RNF216: variants seen among roughly 807,000 people sequenced by gnomAD.
RNF216 encodes the protein ring finger protein 216.
A neutral mutation model predicts 110.8 loss-of-function variants in RNF216; 72 were observed. That is an observed-to-expected ratio of 0.65 (90% CI 0.54 to 0.79). The LOEUF (loss-of-function observed/expected upper bound fraction) is 0.79. Among genes scored for constraint, RNF216 ranks in the 30% least tolerant of loss-of-function variants. The pLI is 0.00. For missense variants in RNF216, 1,342 were observed against 1,141.2 expected (o/e 1.18, Z -2.54); for synonymous variants, 495 against 407.5 (o/e 1.21, Z -2.59).
intron 13 of RNF216, among the ~76,000 whole-genome samples, chr7:5,676,996 A>C (rs1275148262): frequency 1.3e-5 from 2 of 152,150 alleles, no homozygotes; most frequent in East Asian, 1.9e-4. Flanking sequence ...ACCAAACCAA[A>C]ACCCACCAAC....
chr7:5,731,967 C>T (rs1055779744), intron 5 of RNF216, among the ~76,000 whole-genome samples: 8 of 152,214 alleles, frequency 5.3e-5, no homozygotes, highest in Non-Finnish European at 7.3e-5. Context: ...CTCCCTCATC[C>T]TGACATCTCA....
chr7:5,665,894 G>A (rs1584408962), intron 13 of RNF216, among the ~76,000 whole-genome samples: 1 of 152,046 alleles, frequency 6.6e-6, no homozygotes, highest in South Asian at 2.1e-4. Flanking sequence ...GGCCGGGCGC[G>A]GTAGCTCACA....
At chr7:5,699,765 T>C (rs946390513) in intron 13 of RNF216, among the ~76,000 whole-genome samples, 1 of 152,240 alleles carries the variant, frequency 6.6e-6, no homozygotes, top group Non-Finnish European at 1.5e-5. Flanking sequence ...TGATTCCACT[T>C]GCAGTGATGT....
At chr7:5,655,589 G>C (rs886638229) in intron 13 of RNF216, among the ~76,000 whole-genome samples, 1 of 151,654 alleles carries the variant, frequency 6.6e-6, no homozygotes, top group Non-Finnish European at 1.5e-5. Context: ...CTGGGCAACA[G>C]AGCAAGACTC....
intron 13 of RNF216, among the ~76,000 whole-genome samples, chr7:5,667,321 CAA>C (rs370874433): frequency 6.6e-6 from 1 of 151,996 alleles, no homozygotes; most frequent in African/African-American, 2.4e-5. Context: ...AGGTCACAAA[CAA>C]AAAAGTTTAA....
At chr7:5,739,516 A>T (rs948873294) in intron 4 of RNF216, 164 bp from the exon 5 acceptor site, 1 of 719,822 alleles carries the variant, frequency 1.4e-6, no homozygotes, top group Non-Finnish European at 2.5e-6. Flanking sequence ...TCCCAGATTC[A>T]TCTGTCTACA....
Position 5,622,628 on chromosome 7 carries a change from C to G in RNF216, c.*232G>C. 1 of 522,192 alleles carries G rather than the reference C, an allele frequency of 1.9e-6. No individual in the cohort carries two copies. Among genetic ancestry groups the G allele is most frequent in the Non-Finnish European group, 3.4e-6 (1 of 294,322 alleles). 32.3% of individuals were successfully genotyped at this position (522,192 alleles called of 1,614,324 possible). A position where few individuals can be genotyped will look rare whatever the true frequency, so the allele number is the denominator to read the frequency against. On this transcript the variant is annotated 3_prime_UTR_variant, in exon 17 of 17. Coordinates refer to ENST00000389902, the MANE Select transcript of RNF216 (RefSeq NM_207111.4). ...GGCCTGGGGGATGCGAGGGGAGGGG[C>G]AGTTCACATCGCAGCTCTCTCCGAA...
chr7:5,648,747 GA>G (rs1480291789), intron 14 of RNF216, among the ~76,000 whole-genome samples: 1 of 148,462 alleles, frequency 6.7e-6, no homozygotes, highest in East Asian at 2.0e-4. Flanking sequence ...AAAAAGAAAA[GA>G]AAAAAAGAAA....
At chr7:5,678,641 A>G (rs1790456954) in intron 13 of RNF216, among the ~76,000 whole-genome samples, 1 of 152,238 alleles carries the variant, frequency 6.6e-6, no homozygotes, top group African/African-American at 2.4e-5. Flanking sequence ...CGTAGTGACA[A>G]ATATCAACTG....
At chr7:5,647,728 G>A (rs1162956877) in intron 14 of RNF216, among the ~76,000 whole-genome samples, 3 of 151,914 alleles carry the variant, frequency 2.0e-5, no homozygotes, top group Non-Finnish European at 2.9e-5. Flanking sequence ...GACTCCTTCC[G>A]CTCTTACTTC....
intron 2 of RNF216, among the ~76,000 whole-genome samples, chr7:5,759,789 G>A (rs990482923): frequency 2.0e-5 from 3 of 151,744 alleles, no homozygotes; most frequent in Admixed American, 2.0e-4. Context: ...GCACCACCAC[G>A]CCCAGCTAAT....
At chr7:5,734,039 G>C (rs554979321) in intron 5 of RNF216, among the ~76,000 whole-genome samples, 1 of 152,164 alleles carries the variant, frequency 6.6e-6, no homozygotes, top group South Asian at 2.1e-4. Context: ...CAAAAAGAAA[G>C]TATTTTAAAA....
chr7:5,625,214 T>A (rs992667606), intron 15 of RNF216, among the ~76,000 whole-genome samples: 2 of 152,122 alleles, frequency 1.3e-5, no homozygotes, highest in African/African-American at 4.8e-5. Flanking sequence ...GATAGCTGAC[T>A]ATAGGAGGGC....
At chr7:5,770,998 G>A (rs542414472) in intron 1 of RNF216, among the ~76,000 whole-genome samples, 2 of 152,246 alleles carry the variant, frequency 1.3e-5, no homozygotes, top group South Asian at 4.1e-4. Flanking sequence ...AGTAGAGACA[G>A]GGTTTCACCA....
chr7:5,672,683 A>G (rs1410793005), intron 13 of RNF216, among the ~76,000 whole-genome samples: 2 of 152,148 alleles, frequency 1.3e-5, no homozygotes, highest in African/African-American at 4.8e-5. Context: ...ACATAAGCAC[A>G]CTGGTGCTGG....
At chr7:5,726,976 A>G (rs1793794658) in intron 7 of RNF216, among the ~76,000 whole-genome samples, 1 of 152,028 alleles carries the variant, frequency 6.6e-6, no homozygotes, top group Non-Finnish European at 1.5e-5. Flanking sequence ...CCTGCAAGAG[A>G]AGAAGGAAGA....
chr7:5,675,427 C>G (rs1790219946), intron 13 of RNF216, among the ~76,000 whole-genome samples: 1 of 152,106 alleles, frequency 6.6e-6, no homozygotes, highest in African/African-American at 2.4e-5. Flanking sequence ...CACTTGAGGC[C>G]AGGAGTTTGA....
intron 3 of RNF216, among the ~76,000 whole-genome samples, chr7:5,752,336 C>T (rs923290441): frequency 6.6e-6 from 1 of 151,940 alleles, no homozygotes; most frequent in African/African-American, 2.4e-5. Flanking sequence ...ATTAAAGTAG[C>T]CTTGACTATA....
At chr7:5,659,726 G>A (rs1442761587) in intron 13 of RNF216, among the ~76,000 whole-genome samples, 1 of 152,146 alleles carries the variant, frequency 6.6e-6, no homozygotes, top group Admixed American at 6.6e-5. Flanking sequence ...TTTGATTCTT[G>A]CTTAGATTTC....
Sources: allele counts gnomAD v4.1 joint callset (sites outside exome capture counted in the v4.1 genomes callset), GRCh38; gene constraint gnomAD v4.1.1; transcripts MANE v1.5; gene names NCBI Gene and HGNC (gene_info 2026-07-23, HGNC 2026-07-21).